The following ST3GAL6 variants were observed in gnomAD, a reference collection of about 807,000 sequenced individuals.
ST3GAL6 encodes the protein ST3 beta-galactoside alpha-2,3-sialyltransferase 6, also known as type 2 lactosamine alpha-2,3-sialyltransferase.
A neutral mutation model predicts 40.5 loss-of-function variants in ST3GAL6; 31 were observed. The observed-to-expected ratio is 0.77, with a 90% CI of 0.58 to 1.03. The LOEUF (loss-of-function observed/expected upper bound fraction) is 1.03, where lower values mean the gene tolerates loss of function less well. ST3GAL6 is among the 50% of genes least tolerant of loss of function. The probability of loss-of-function intolerance (pLI) is 0.00; values close to 1 mark genes in which losing one functional copy is unlikely to be tolerated. For missense variants in ST3GAL6, 357 were observed against 393.2 expected, an observed-to-expected ratio of 0.91 and a Z score of 0.78; for synonymous variants, 129 against 136.9, an observed-to-expected ratio of 0.94 and a Z score of 0.40.
chr3:98,756,070 T>C (rs772734780), intron 1 of ST3GAL6, among the ~76,000 whole-genome samples: 1 of 152,228 alleles, frequency 6.6e-6, no homozygotes, highest in African/African-American at 2.4e-5. Flanking sequence ...CAGATGGTTC[T>C]TTCATTACCA....
Position 98,791,941 on chromosome 3 carries a change from T to C in ST3GAL6, c.857T>C (p.Leu286Pro). ...LAGFKYNFSD[L>P]KSPLHYYGNA... is the part of the protein sequence containing the mutation. ...GGTTTTAAATACAACTTTTCTGACCTCAAGAGTCCTTTGCACTACTATGGG... is the reference window on the plus strand; with the variant it reads ...GGTTTTAAATACAACTTTTCTGACCCCAAGAGTCCTTTGCACTACTATGGG... The change falls in exon 9 of 10, where the codon CTC becomes CCC. Residue 286 changes from leucine to proline, a missense_variant. Leu to Pro is a moderately conservative substitution (Grantham distance 98, BLOSUM62 -3). Transcript: ENST00000483910. 6.2e-7 allele frequency: 1 copy of C among 1,614,058 alleles called. No individual in the cohort carries two copies. Among genetic ancestry groups the C allele is most frequent in the Non-Finnish European group, 8.5e-7 (1 of 1,179,906 alleles).
chr3:98,759,143 C>T (rs936284269), upstream of ST3GAL6, among the ~76,000 whole-genome samples: 4 of 152,192 alleles, frequency 2.6e-5, no homozygotes, highest in African/African-American at 9.7e-5. Context: ...GAGAGCTGCA[C>T]TTCGAGGATT....
chr3:98,767,271 T>A (rs928454909), intron 1 of ST3GAL6, among the ~76,000 whole-genome samples: 4 of 152,196 alleles, frequency 2.6e-5, no homozygotes, highest in African/African-American at 9.7e-5. Flanking sequence ...AGAACAATTA[T>A]ATTTGTTGAG....
chr3:98,786,983 T>A (rs1940786689), intron 6 of ST3GAL6, among the ~76,000 whole-genome samples: 1 of 145,312 alleles, frequency 6.9e-6, no homozygotes, highest in South Asian at 2.3e-4. Context: ...TGTGTGTGTG[T>A]GTTAGGAGTA....
At position 98,748,686 on chromosome 3, in the gene ST3GAL6, G is replaced by A. The variant is rs112272676; in HGVS notation, c.-12+16154G>A. Among the ~76,000 whole-genome samples, 890 of 152,164 alleles carry A rather than the reference G, an allele frequency of 5.8e-3. 6 individuals carry two copies. The highest frequency in any genetic ancestry group is 0.025 in the South Asian group (120 of 4,818). On this transcript the variant is annotated intron_variant, in intron 1 of 9. Coordinates refer to the ST3GAL6 transcript ENST00000265261. The stretch of plus-strand genomic sequence containing the variant: ...TTGCCATGTTGGCCAGGCTGGTCTC[G>A]AACTCCTGACCTCAGGTGATCTGCC...
At chr3:98,790,064 T>C (rs1230198065) in intron 8 of ST3GAL6, among the ~76,000 whole-genome samples, 1 of 152,154 alleles carries the variant, frequency 6.6e-6, no homozygotes, top group East Asian at 1.9e-4. Context: ...TTGAATTGGG[T>C]TGAAGAGAAC....
chr3:98,753,377 A>T (rs2107349950), intron 1 of ST3GAL6, among the ~76,000 whole-genome samples: 1 of 152,356 alleles, frequency 6.6e-6, no homozygotes, highest in Non-Finnish European at 1.5e-5. Context: ...ATAACACAAA[A>T]GTGCAAGGTG....
At chr3:98,750,555 C>T (rs866739019) in intron 1 of ST3GAL6, among the ~76,000 whole-genome samples, 30 of 150,082 alleles carry the variant, frequency 2.0e-4, no homozygotes, top group Non-Finnish European at 2.8e-4. Flanking sequence ...ACTAGCAGCA[C>T]TGGCATTCTT....
chr3:98,733,321 C>G (rs980980964), intron 1 of ST3GAL6: 40 of 1,153,744 alleles, frequency 3.5e-5, no homozygotes, highest in Non-Finnish European at 4.2e-5. Flanking sequence ...GCGGGTAAGC[C>G]CAGGAGCCGT....
chr3:98,786,318 G>T (rs567494876), intron 6 of ST3GAL6, among the ~76,000 whole-genome samples: 1 of 152,284 alleles, frequency 6.6e-6, no homozygotes, highest in South Asian at 2.1e-4. Context: ...AAGAGATGAA[G>T]AGGATCCACC....
intron 2 of ST3GAL6, 23 bp downstream of exon 2, chr3:98,768,552 A>T: frequency 6.5e-7 from 1 of 1,531,594 alleles, no homozygotes; most frequent in Non-Finnish European, 9.0e-7. Context: ...TTGTTATTTA[A>T]AAATAACTCT....
intron 1 of ST3GAL6, among the ~76,000 whole-genome samples, chr3:98,755,227 T>C (rs1041123131): frequency 6.6e-6 from 1 of 152,118 alleles, no homozygotes; most frequent in East Asian, 1.9e-4. Flanking sequence ...TTTGTCTTTT[T>C]AGTAGAGACT....
In ST3GAL6 at chr3:98,785,019, A is replaced by C; in HGVS notation, c.410A>C (p.Asp137Ala). The change falls in exon 6 of 10, where the codon GAC (aspartate) becomes GCC (alanine). Residue 137 changes from aspartate to alanine, a missense_variant. Transcript: ENST00000483910. The stretch of plus-strand genomic sequence containing the variant: ...AATAAGACATTAGGAGAAAAAATCG[A>C]CTCCTATGATGTAATAATAAGGTAA... ...LKNKTLGEKI[D>A]SYDVIIRMNN... 1 of 1,607,178 alleles carries C rather than the reference A, an allele frequency of 6.2e-7. No homozygotes were observed. Among genetic ancestry groups the C allele is most frequent in the South Asian group, 1.1e-5 (1 of 90,928 alleles).
rs768329970 is a variant in ST3GAL6, at chr3:98,788,137, A to G, written c.533A>G (p.Asn178Ser). ...PESVFSDPIH[N>S]DPNTTVILTA... The stretch of plus-strand genomic sequence containing the variant: ...TCTGTTTTTTCAGATCCTATTCACA[A>G]TGACCCTAATACGACAGTGATTCTC... Residue 178 changes from asparagine (N) to serine (S), a missense_variant, in exon 7 of 10, where the codon AAT (asparagine) becomes AGT (serine). Coordinates refer to ENST00000483910, the MANE Select transcript of ST3GAL6 (RefSeq NM_001323368.2). 51 of 1,613,944 alleles carry G rather than the reference A, an allele frequency of 3.2e-5. No homozygotes were observed. The South Asian group carries it at 5.3e-4, about 17-fold the overall frequency.
chr3:98,740,650 T>C (rs1050714359), intron 1 of ST3GAL6, among the ~76,000 whole-genome samples: 2 of 152,228 alleles, frequency 1.3e-5, no homozygotes, highest in African/African-American at 4.8e-5. Flanking sequence ...TCTATAAATT[T>C]GAAATAATAT....
rs200986718 is a variant in ST3GAL6, at chr3:98,744,292, G to A, written c.-12+11760G>A. ...GTTGTTCTAAGCTACCCAGTATGTG[G>A]CACTTTGTTTCAGCAGTCCTAGGCA... On this transcript the variant is annotated intron_variant, in intron 1 of 9. Coordinates refer to the ST3GAL6 transcript ENST00000265261. Among the ~76,000 whole-genome samples the A allele has an allele frequency of 5.9e-5, 9 of 152,266 alleles. No individual in the cohort carries two copies. The East Asian group carries it at 1.5e-3, about 26-fold the overall frequency.
intron 1 of ST3GAL6, among the ~76,000 whole-genome samples, chr3:98,742,182 C>T (rs572359267): frequency 1.2e-4 from 19 of 152,340 alleles, no homozygotes; most frequent in Non-Finnish European, 2.5e-4. Context: ...CTTCCCCTCT[C>T]CACTCCTTTG....
chr3:98,756,957 A>G (rs1330051481), intron 1 of ST3GAL6, among the ~76,000 whole-genome samples: 3 of 152,198 alleles, frequency 2.0e-5, no homozygotes, highest in Non-Finnish European at 4.4e-5. Context: ...TTGTTTTCTC[A>G]ATAGAATTAA....
intron 1 of ST3GAL6, among the ~76,000 whole-genome samples, chr3:98,748,617 A>G (rs1936740559): frequency 6.6e-6 from 1 of 152,078 alleles, no homozygotes; most frequent in South Asian, 2.1e-4. Flanking sequence ...GGCGCCTGCC[A>G]CCATGCCTGG....
Sources: allele counts gnomAD v4.1 joint callset (sites outside exome capture counted in the v4.1 genomes callset), GRCh38; gene constraint gnomAD v4.1.1; transcripts MANE v1.5; gene names NCBI Gene and HGNC (gene_info 2026-07-23, HGNC 2026-07-21).